The following ETNK1 variants were observed in gnomAD, a reference collection of about 807,000 sequenced individuals.
ETNK1 encodes the protein putative protein product of Nbla10396.
ETNK1 carries 8 observed loss-of-function variants against 45.1 expected under a neutral mutation model. The ratio of observed to expected loss-of-function variants is 0.18; its 90% CI spans 0.10 to 0.32. The LOEUF (loss-of-function observed/expected upper bound fraction) is 0.32, where lower values mean the gene tolerates loss of function less well. Among genes scored for constraint, ETNK1 ranks in the 10% least tolerant of loss-of-function variants. The pLI is 1.00. For synonymous variants in ETNK1, 152 were observed against 151.9 expected, an observed-to-expected ratio of 1.00 and a Z score of -0.01; for missense variants, 302 against 430.6, an observed-to-expected ratio of 0.70 and a Z score of 2.64.
intron 2 of ETNK1, among the ~76,000 whole-genome samples, chr12:22,651,686 T>TCC (rs1565441641): frequency 1.9e-4 from 25 of 131,312 alleles, no homozygotes; most frequent in South Asian, 4.5e-4. Flanking sequence ...CTATCCCTTT[T>TCC]TTTTTTTTTT....
intron 6 of ETNK1, among the ~76,000 whole-genome samples, chr12:22,676,258 T>C (rs1954161101): frequency 6.6e-6 from 1 of 152,096 alleles, no homozygotes; most frequent in Non-Finnish European, 1.5e-5. Context: ...GAAAATGTGG[T>C]GTTTGGTTTT....
At chr12:22,682,986 T>G (rs530251296) in intron 6 of ETNK1, among the ~76,000 whole-genome samples, 2 of 152,280 alleles carry the variant, frequency 1.3e-5, no homozygotes, top group East Asian at 3.9e-4. Context: ...TTTTTGAAAA[T>G]CTTTATCATT....
intron 2 of ETNK1, among the ~76,000 whole-genome samples, chr12:22,646,851 G>A (rs1032920920): frequency 2.6e-5 from 4 of 151,850 alleles, no homozygotes; most frequent in Non-Finnish European, 3.0e-5. Flanking sequence ...GTAATTTACA[G>A]TTTGTGACAC....
chr12:22,669,674 A>G (rs978331840), intron 4 of ETNK1, among the ~76,000 whole-genome samples: 2 of 152,190 alleles, frequency 1.3e-5, no homozygotes, highest in Non-Finnish European at 2.9e-5. Flanking sequence ...GCAGTTTAGT[A>G]AAATGATTTG....
At chr12:22,635,053 G>A (rs1953637045) in intron 1 of ETNK1, among the ~76,000 whole-genome samples, 1 of 152,110 alleles carries the variant, frequency 6.6e-6, no homozygotes, top group African/African-American at 2.4e-5. Flanking sequence ...CTTGACATGT[G>A]TTGGAAAAGG....
chr12:22,662,456 G>A (rs1954014697), intron 4 of ETNK1, among the ~76,000 whole-genome samples: 1 of 147,922 alleles, frequency 6.8e-6, no homozygotes, highest in South Asian at 2.1e-4. Flanking sequence ...ATGCAGTGGT[G>A]TAATCATGGC....
intron 7 of ETNK1, 73 bp from the exon 8 acceptor site, chr12:22,684,809 C>CT (rs1385899652): frequency 1.7e-6 from 2 of 1,199,166 alleles, no homozygotes; most frequent in Non-Finnish European, 1.2e-6. Context: ...GCTTAGAGGA[C>CT]TGAGTGAAAA....
At chr12:22,671,911 A>G (rs1365208854) in intron 5 of ETNK1, among the ~76,000 whole-genome samples, 1 of 151,554 alleles carries the variant, frequency 6.6e-6, no homozygotes, top group Non-Finnish European at 1.5e-5. Context: ...TTGAGATCAG[A>G]CATAGCATAA....
Position 22,641,736 on chromosome 12 carries a change from CAAAT to C in ETNK1, c.157-2021_157-2018del, listed in dbSNP as rs1430701324. Reference sequence around the variant, plus strand: ...TTAAACTACCTAGTATCTTTGTAGACAAATAAATATTTATACATAAAATATTTTG... The same window carrying C: ...TTAAACTACCTAGTATCTTTGTAGACAAATATTTATACATAAAATATTTTG... On this transcript the variant is annotated intron_variant, in intron 1 of 7. Coordinates refer to ENST00000266517, the MANE Select transcript of ETNK1 (RefSeq NM_018638.5). 7.2e-5 allele frequency among the ~76,000 whole-genome samples: 11 copies of C among 152,132 alleles called. No individual in the cohort carries two copies. In the East Asian group the frequency reaches 1.9e-3, roughly 27 times the overall value.
At chr12:22,678,668 G>A (rs1367518031) in intron 6 of ETNK1, among the ~76,000 whole-genome samples, 3 of 152,194 alleles carry the variant, frequency 2.0e-5, no homozygotes, top group African/African-American at 7.2e-5. Context: ...AGTCCAATTC[G>A]GATGAAAGCA....
In ETNK1 at chr12:22,659,117, A is replaced by T. The variant is rs1438694362; in HGVS notation, c.520A>T (p.Ile174Phe). ...WLKMGKYFSLIPTGFADEDIN... is the reference protein window; with the variant it reads ...WLKMGKYFSLFPTGFADEDIN... ...AAAGATGGGAAAGTATTTCTCTCTC[A>T]TTCCCACAGGATTTGCAGATGAAGA... The change falls in exon 3 of 8, where the codon ATT (isoleucine) becomes TTT (phenylalanine). Residue 174 changes from isoleucine to phenylalanine, a missense_variant. This residue lies in a region of ETNK1 where 205 missense variants were observed against 259.9 expected (regional missense o/e 0.79). Coordinates refer to ENST00000266517, the MANE Select transcript of ETNK1 (RefSeq NM_018638.5). The T allele has an allele frequency of 1.9e-6, 3 of 1,613,856 alleles. No homozygotes were observed. The African/African-American group carries it at 4.0e-5, about 21-fold the overall frequency.
intron 3 of ETNK1, among the ~76,000 whole-genome samples, chr12:22,659,497 T>C (rs892499342): frequency 3.3e-5 from 5 of 152,166 alleles, no homozygotes; most frequent in Admixed American, 1.3e-4. Context: ...TCTAGTATTA[T>C]ATAGAATAAG....
intron 1 of ETNK1, among the ~76,000 whole-genome samples, chr12:22,628,212 A>G (rs1231586425): frequency 6.6e-6 from 1 of 152,150 alleles, no homozygotes; most frequent in Non-Finnish European, 1.5e-5. Context: ...AATATGTATC[A>G]TATAGTTAAT....
At chr12:22,682,496 A>G (rs906803607) in intron 6 of ETNK1, among the ~76,000 whole-genome samples, 2 of 152,106 alleles carry the variant, frequency 1.3e-5, no homozygotes, top group Admixed American at 1.3e-4. Flanking sequence ...TCAGTTACCT[A>G]GGTGTTTTTC....
chr12:22,639,601 TG>T (rs1953708259), intron 1 of ETNK1, among the ~76,000 whole-genome samples: 1 of 151,304 alleles, frequency 6.6e-6, no homozygotes, highest in South Asian at 2.1e-4. Context: ...CACTTGAACC[TG>T]GGGGGCGGAG....
chr12:22,640,461 A>G (rs1953721593), intron 1 of ETNK1, among the ~76,000 whole-genome samples: 1 of 146,506 alleles, frequency 6.8e-6, no homozygotes, highest in African/African-American at 2.5e-5. Flanking sequence ...ACATTTAGCT[A>G]TTTGGATTTA....
chr12:22,665,038 A>G (rs542791608), intron 4 of ETNK1, among the ~76,000 whole-genome samples: 15 of 152,296 alleles, frequency 9.8e-5, no homozygotes, highest in East Asian at 3.9e-4. Flanking sequence ...TTTGTACTAG[A>G]AAATCTCTAA....
intron 5 of ETNK1, among the ~76,000 whole-genome samples, chr12:22,671,841 TAAAAAAA>T (rs555930582): frequency 2.0e-5 from 2 of 98,254 alleles, no homozygotes; most frequent in Non-Finnish European, 2.0e-5. Flanking sequence ...TCCATCTCAT[TAAAAAAA>T]AAAAAAAAAA....
At chr12:22,684,405 G>C in intron 6 of ETNK1, 78 bp from the exon 7 acceptor site, 1 of 967,326 alleles carries the variant, frequency 1.0e-6, no homozygotes, top group Non-Finnish European at 1.6e-6. Context: ...TGATTTAGAG[G>C]ATAGAATTAG....
Sources: gnomAD v4.1 joint callset for allele counts (sites outside exome capture counted in the v4.1 genomes callset) on GRCh38, gnomAD v4.1.1 for gene constraint, gnomAD v4.1.1 regional missense constraint, MANE v1.5 for transcripts, NCBI Gene and HGNC (gene_info 2026-07-23, HGNC 2026-07-21) for gene names.